Variants in TRIM3 observed in about 807,000 individuals in gnomAD.
The protein encoded by TRIM3 is tripartite motif containing 3.
In TRIM3, 13 loss-of-function variants were observed where a neutral mutation model predicts 66.6. The ratio of observed to expected loss-of-function variants is 0.20; its 90% CI spans 0.13 to 0.31. TRIM3 has a LOEUF of 0.31. Ranked by LOEUF, TRIM3 falls within the 10% of genes least tolerant of loss-of-function variation. The pLI is 1.00. For synonymous variants in TRIM3, 406 were observed against 411.7 expected, an observed-to-expected ratio of 0.99 and a Z score of 0.17; for missense variants, 711 against 1,020.4, an observed-to-expected ratio of 0.70 and a Z score of 4.13.
intron 1 of TRIM3, among the ~76,000 whole-genome samples, chr11:6,469,705 G>C (rs190184939): frequency 6.6e-6 from 1 of 152,162 alleles, no homozygotes; most frequent in Admixed American, 6.5e-5. Flanking sequence ...AGCCTTCATG[G>C]ATTCCACAAT....
rs182908714 is a variant in TRIM3, at chr11:6,461,296, G to T, written c.132-3000C>A. Among the ~76,000 whole-genome samples the T allele has an allele frequency of 3.1e-3, 468 of 150,650 alleles. 2 individuals carry two copies. Among genetic ancestry groups the T allele is most frequent in the African/African-American group, 0.01 (419 of 40,014 alleles). On this transcript the variant is annotated intron_variant, in intron 2 of 11. Coordinates refer to ENST00000345851, the MANE Select transcript of TRIM3 (RefSeq NM_033278.4). ...ACTCCACACTCCTTAGGGCCAGAAG[G>T]TGGGCTTGAGCCCTCCCTCTTCCCA...
At chr11:6,467,902 G>T (rs1357548442) in intron 1 of TRIM3, among the ~76,000 whole-genome samples, 6 of 152,226 alleles carry the variant, frequency 3.9e-5, no homozygotes, top group Admixed American at 3.9e-4. Context: ...TGGAATCAGA[G>T]AAAACAGTTA....
chr11:6,466,208 C>T (rs980104492), intron 1 of TRIM3, among the ~76,000 whole-genome samples: 7 of 152,160 alleles, frequency 4.6e-5, no homozygotes, highest in African/African-American at 1.7e-4. Flanking sequence ...TGACCCACCT[C>T]TTAGCACAAC....
intron 7 of TRIM3, chr11:6,452,672 G>C (rs1438833721): frequency 1.3e-5 from 2 of 152,226 alleles, no homozygotes; most frequent in Non-Finnish European, 2.9e-5. Context: ...CCTGTGGCAG[G>C]ACAGCACTCA....
intron 7 of TRIM3, among the ~76,000 whole-genome samples, chr11:6,455,005 C>T (rs575166591): frequency 2.0e-5 from 3 of 152,196 alleles, no homozygotes; most frequent in African/African-American, 7.2e-5. Context: ...TTCCACACTC[C>T]ATCTCCAAAA....
rs1409292868 is a variant in TRIM3, at chr11:6,458,702, A to G, written c.132-406T>C. On this transcript the variant is annotated intron_variant, in intron 2 of 11. Coordinates refer to ENST00000345851, the MANE Select transcript of TRIM3 (RefSeq NM_033278.4). The surrounding 1 kb of genome is among the most constrained non-coding windows in gnomAD (Gnocchi z 6.2). ...AAGATAAAGCACAGTGCCTACCCTT[A>G]AAATACTTCCCATCTACAGAGAAAA... Among the ~76,000 whole-genome samples, 1 of 152,230 alleles carries G rather than the reference A, an allele frequency of 6.6e-6. No homozygotes were observed. Among genetic ancestry groups the G allele is most frequent in the Non-Finnish European group, 1.5e-5 (1 of 68,050 alleles).
At chr11:6,460,898 C>CTTTTTTTTTTTT (rs771919613) in intron 2 of TRIM3, among the ~76,000 whole-genome samples, 1 of 74,278 alleles carries the variant, frequency 1.3e-5, no homozygotes, top group East Asian at 4.1e-4. Context: ...TTTTTGGTGG[C>CTTTTTTTTTTTT]TTTTTTTTTT....
At chr11:6,463,722 T>C (rs1029118852) in intron 2 of TRIM3, among the ~76,000 whole-genome samples, 1 of 152,198 alleles carries the variant, frequency 6.6e-6, no homozygotes, top group Admixed American at 6.5e-5. Context: ...TTGGCGTTTA[T>C]GACTACAGAT....
chr11:6,463,706 G>A (rs1808552862), intron 2 of TRIM3, among the ~76,000 whole-genome samples: 1 of 152,184 alleles, frequency 6.6e-6, no homozygotes, highest in African/African-American at 2.4e-5. Context: ...AGCCAGGAGT[G>A]GAACGTTGGC....
chr11:6,464,753 G>C (rs766057877), intron 2 of TRIM3, among the ~76,000 whole-genome samples: 7 of 152,132 alleles, frequency 4.6e-5, no homozygotes, highest in Non-Finnish European at 8.8e-5. Flanking sequence ...TTGGGAGGCC[G>C]AGGTAGGCGG....
intron 2 of TRIM3, among the ~76,000 whole-genome samples, chr11:6,462,617 T>G (rs949416751): frequency 8.6e-5 from 13 of 151,964 alleles, no homozygotes; most frequent in African/African-American, 2.9e-4. Flanking sequence ...CTATGTTGTT[T>G]CCCAAGCTAC....
chr11:6,456,421 G>A lies in TRIM3; in HGVS notation c.1305C>T (p.Val435=). 1 of 1,533,342 alleles carries A rather than the reference G, an allele frequency of 6.5e-7. No homozygotes were observed. The highest frequency in any genetic ancestry group is 1.3e-5 in the South Asian group (1 of 79,102). 95.0% of individuals were successfully genotyped at this position (1,533,342 alleles called of 1,614,324 possible). ...GGCTGCCGGGGCCGCCAGGGGACTT[G>A]ACACGGCGCTTCACATCGTCCGGGG... ...PPSPDDVKRR[V]KSPGGPGSHV... is the part of the protein sequence containing the mutation. The change falls in exon 6 of 12, where the codon GTC becomes GTT. Residue 435 remains valine (V), a synonymous_variant. Transcript: ENST00000345851. The surrounding 1 kb of genome is among the most constrained non-coding windows in gnomAD (Gnocchi z 6.4).
intron 1 of TRIM3, among the ~76,000 whole-genome samples, chr11:6,466,989 G>C (rs907623781): frequency 4.6e-5 from 7 of 152,034 alleles, no homozygotes; most frequent in Admixed American, 2.6e-4. Flanking sequence ...CTGACATAAA[G>C]ATTGATCTAT....
At chr11:6,463,787 G>C (rs1292978178) in intron 2 of TRIM3, among the ~76,000 whole-genome samples, 1 of 152,182 alleles carries the variant, frequency 6.6e-6, no homozygotes, top group African/African-American at 2.4e-5. Context: ...TTACTGAGGT[G>C]GAATGGGGGA....
chr11:6,456,571 T>C lies in TRIM3; in HGVS notation c.1155A>G (p.Thr385=), dbSNP rs143408397. The C allele has an allele frequency of 1.9e-5, 31 of 1,612,720 alleles. 1 individual carries two copies. In the Middle Eastern group the frequency reaches 8.2e-4, roughly 43 times the overall value. ...TGCGCGCTGTGTACACTAGCTCATA[T>C]GTGCCATTCTTGTGGTCCACCACTG... The part of the protein sequence containing the change: ...PVPVVDHKNG[T]YELVYTARTE... The change falls in exon 6 of 12, where the codon ACA becomes ACG. Residue 385 remains threonine, a synonymous_variant. Transcript: ENST00000345851. This position sits in a 1 kb window ranked among gnomAD's most constrained non-coding sequence, Gnocchi z 6.4.
In TRIM3 at chr11:6,450,921, C is replaced by G. The variant is rs753881199; in HGVS notation, c.1841G>C (p.Gly614Ala). The G allele has an allele frequency of 6.2e-7, 1 of 1,614,160 alleles. No homozygotes were observed. Among genetic ancestry groups the G allele is most frequent in the African/African-American group, 1.3e-5 (1 of 75,022 alleles). ...PNGKLVGRFG[G>A]RGATDRHFAG... ...AAAGTGGCGGTCAGTGGCCCCACGG[C>G]CCCCAAAACGGCCAACCAGTTTGCC... Residue 614 changes from glycine to alanine, a missense_variant, in exon 9 of 12, where the codon GGC becomes GCC. Around this residue, in one of 3 missense-constraint regions of TRIM3, gnomAD observed 163 missense variants for 321.9 expected, o/e 0.51. Transcript: ENST00000345851. This position sits in a 1 kb window ranked among gnomAD's most constrained non-coding sequence, Gnocchi z 4.8.
rs1482525710 is a variant in TRIM3, at chr11:6,456,113, C to T, written c.1492G>A (p.Gly498Ser). The T allele has an allele frequency of 5.6e-6, 9 of 1,614,034 alleles. No homozygotes were observed. Among genetic ancestry groups the T allele is most frequent in the South Asian group, 1.1e-5 (1 of 91,082 alleles). Residue 498 changes from glycine to serine, a missense_variant, in exon 7 of 12, where the codon GGC (glycine) becomes AGC (serine). Coordinates refer to ENST00000345851, the MANE Select transcript of TRIM3 (RefSeq NM_033278.4). The surrounding 1 kb of genome is among the most constrained non-coding windows in gnomAD (Gnocchi z 6.4). ...NLQGVSAASS[G>S]RIVVADSNNQ... is the part of the protein sequence containing the mutation. ...TTGCTGTCTGCTACCACGATGCGGC[C>T]GCTGCTGGCTGCGGACACACCTTGT... is the stretch of plus-strand genomic sequence containing the variant.
At chr11:6,464,394 C>T (rs776661439) in intron 2 of TRIM3, among the ~76,000 whole-genome samples, 4 of 152,216 alleles carry the variant, frequency 2.6e-5, no homozygotes, top group Non-Finnish European at 5.9e-5. Flanking sequence ...TCCTATTCAT[C>T]CTCTGAATTG....
intron 7 of TRIM3, among the ~76,000 whole-genome samples, chr11:6,454,067 T>C (rs1245147329): frequency 2.0e-5 from 3 of 152,196 alleles, no homozygotes; most frequent in South Asian, 2.1e-4. Context: ...AGGTGTTCCC[T>C]CTCAATTCCC....
Sources: allele counts gnomAD v4.1 joint callset (sites outside exome capture counted in the v4.1 genomes callset), GRCh38; gene constraint gnomAD v4.1.1; regional missense constraint gnomAD v4.1.1; non-coding constraint Gnocchi (gnomAD v3.1); transcripts MANE v1.5; gene names NCBI Gene and HGNC (gene_info 2026-07-23, HGNC 2026-07-21).